Variants in SCP2 observed in about 807,000 individuals in gnomAD.
SCP2 encodes the protein sterol carrier protein 2.
In SCP2, 48 loss-of-function variants were observed where a neutral mutation model predicts 71.4. The ratio of observed to expected loss-of-function variants is 0.67; its 90% CI spans 0.53 to 0.86. The LOEUF is 0.86. SCP2 is among the 40% of genes least tolerant of loss of function. The pLI, the probability that SCP2 is intolerant of heterozygous loss-of-function variation, is 0.00. For synonymous variants in SCP2, 220 were observed against 218.1 expected (o/e 1.01, Z -0.08); for missense variants, 560 against 655.6 (o/e 0.85, Z 1.59).
At chr1:53,013,146 C>A (rs1324460250) in intron 11 of SCP2, among the ~76,000 whole-genome samples, 3 of 145,992 alleles carry the variant, frequency 2.1e-5, no homozygotes, top group Admixed American at 6.8e-5. Flanking sequence ...GGGTCTCCCC[C>A]TATAATCTTG....
chr1:52,998,263 G>A (rs1215806045), intron 11 of SCP2, among the ~76,000 whole-genome samples: 1 of 152,098 alleles, frequency 6.6e-6, no homozygotes, highest in Non-Finnish European at 1.5e-5. Flanking sequence ...TGATAACCTG[G>A]AGCAAAATTT....
rs147167752 is a variant in SCP2, at chr1:52,945,744, A to AATATATATATATATATATATATATATAT, written c.128-2249_128-2248insATATATATATATATATATATATATATAT. On this transcript the variant is annotated intron_variant, in intron 2 of 15. Coordinates refer to ENST00000371514, the MANE Select transcript of SCP2 (RefSeq NM_002979.5). ...GGAAAAGAATGTTTAAGTTGTGCATAATATATATATATATATGCCATTATT... is the reference window on the plus strand; with the variant it reads ...GGAAAAGAATGTTTAAGTTGTGCATAATATATATATATATATATATATATATATATATATATATATATATGCCATTATT... Among the ~76,000 whole-genome samples the AATATATATATATATATATATATATATAT allele has an allele frequency of 2.3e-3, 341 of 145,520 alleles. 1 individual carries two copies. Among genetic ancestry groups the AATATATATATATATATATATATATATAT allele is most frequent in the African/African-American group, 7.5e-3 (284 of 38,120 alleles).
At chr1:52,976,018 T>C (rs573389540) in intron 7 of SCP2, among the ~76,000 whole-genome samples, 1 of 152,312 alleles carries the variant, frequency 6.6e-6, no homozygotes, top group South Asian at 2.1e-4. Flanking sequence ...GGAAAGTACT[T>C]AAAATTACAG....
At chr1:53,046,222 G>A (rs887148808) in intron 14 of SCP2, among the ~76,000 whole-genome samples, 4 of 152,016 alleles carry the variant, frequency 2.6e-5, no homozygotes, top group African/African-American at 9.7e-5. Flanking sequence ...TTAGCTTTAT[G>A]TGAAACTTCC....
chr1:53,030,973 AACTTCT>A (rs1216501203), intron 13 of SCP2, among the ~76,000 whole-genome samples: 2 of 151,652 alleles, frequency 1.3e-5, no homozygotes, highest in Non-Finnish European at 2.9e-5. Flanking sequence ...TTGTTTCTTG[AACTTCT>A]TTCATTACAA....
intron 1 of SCP2, among the ~76,000 whole-genome samples, chr1:52,937,715 T>G (rs1653862845): frequency 6.6e-6 from 1 of 152,176 alleles, no homozygotes; most frequent in African/African-American, 2.4e-5. Context: ...AATTAAAAAT[T>G]GAAATAGAAC....
At chr1:52,933,646 T>C (rs1332282707) in intron 1 of SCP2, among the ~76,000 whole-genome samples, 1 of 152,214 alleles carries the variant, frequency 6.6e-6, no homozygotes, top group East Asian at 1.9e-4. Flanking sequence ...GTGTCTTCTA[T>C]CAAACGTATT....
chr1:52,958,646 T>G (rs1259044350), intron 5 of SCP2, among the ~76,000 whole-genome samples: 1 of 152,312 alleles, frequency 6.6e-6, no homozygotes, highest in East Asian at 1.9e-4. Context: ...TGTTAGTCTA[T>G]CCCATATTCT....
chr1:53,038,150 AAAAAG>A lies in SCP2; in HGVS notation c.1339-762_1339-758del, dbSNP rs1397915338. 1.1e-4 allele frequency among the ~76,000 whole-genome samples: 16 copies of A among 150,366 alleles called. No individual in the cohort carries two copies. In the Admixed American group the frequency reaches 1.1e-3, roughly 10 times the overall value. Reference sequence around the variant, plus strand: ...GACAGAGTGAGACCTTGTCTCAAAAAAAAAGAAAAAAAACCTATATGTGTATATAT... The same window carrying A: ...GACAGAGTGAGACCTTGTCTCAAAAAAAAAAAAACCTATATGTGTATATAT... On this transcript the variant is annotated intron_variant, in intron 13 of 15. Coordinates refer to ENST00000371514, the MANE Select transcript of SCP2 (RefSeq NM_002979.5).
chr1:53,008,770 T>C (rs1660800229), intron 11 of SCP2, among the ~76,000 whole-genome samples: 1 of 152,190 alleles, frequency 6.6e-6, no homozygotes, highest in Admixed American at 6.5e-5. Flanking sequence ...GTGTTGGAAA[T>C]TCTGGCCAAG....
intron 11 of SCP2, among the ~76,000 whole-genome samples, chr1:53,014,397 T>G (rs2150227394): frequency 6.6e-6 from 1 of 152,322 alleles, no homozygotes; most frequent in African/African-American, 2.4e-5. Context: ...CATCTTTGAT[T>G]TTATTATTCA....
chr1:52,946,450 A>G (rs974566252), intron 2 of SCP2, among the ~76,000 whole-genome samples: 8 of 152,058 alleles, frequency 5.3e-5, no homozygotes, highest in African/African-American at 1.9e-4. Context: ...TCCTGGGCTC[A>G]AGTGATCCTC....
chr1:53,026,858 G>A lies in SCP2; in HGVS notation c.1236-1111G>A, dbSNP rs189451217. ...AGAAGGAAAAGGGAAAGAGGAAGGA[G>A]AAATGGATTTGAGGACTGCAGGGAG... is the stretch of plus-strand genomic sequence containing the variant. On this transcript the variant is annotated intron_variant, in intron 12 of 15. Coordinates refer to ENST00000371514, the MANE Select transcript of SCP2 (RefSeq NM_002979.5). 6.7e-4 allele frequency among the ~76,000 whole-genome samples: 102 copies of A among 151,528 alleles called. 1 individual carries two copies. Among genetic ancestry groups the A allele is most frequent in the African/African-American group, 2.1e-3 (87 of 41,336 alleles).
intron 1 of SCP2, among the ~76,000 whole-genome samples, chr1:52,930,435 G>A (rs1465440953): frequency 6.6e-6 from 1 of 152,070 alleles, no homozygotes. Context: ...AACAGCCTGG[G>A]CGATATTGGC....
chr1:52,955,519 G>GA (rs972402581), intron 5 of SCP2, among the ~76,000 whole-genome samples: 4 of 149,818 alleles, frequency 2.7e-5, no homozygotes, highest in African/African-American at 7.3e-5. Flanking sequence ...AACAGGGGAG[G>GA]AAAAAAAAAG....
chr1:52,928,046 T>C (rs1459833381), intron 1 of SCP2, among the ~76,000 whole-genome samples: 1 of 152,252 alleles, frequency 6.6e-6, no homozygotes, highest in African/African-American at 2.4e-5. Flanking sequence ...AGTTGTCTGA[T>C]GCCTCTGTTG....
intron 15 of SCP2, chr1:53,048,246 A>G (rs1663962565): frequency 8.0e-6 from 3 of 374,186 alleles, no homozygotes; most frequent in South Asian, 2.2e-5. Flanking sequence ...AGGAGCAGCC[A>G]TATCTCTCTG....
intron 11 of SCP2, among the ~76,000 whole-genome samples, chr1:53,009,503 C>T (rs1660849889): frequency 6.6e-6 from 1 of 152,132 alleles, no homozygotes; most frequent in Non-Finnish European, 1.5e-5. Flanking sequence ...CTTTGACAAA[C>T]CTGACAAAAA....
chr1:52,984,536 C>CT lies in SCP2; in HGVS notation c.974-3479dup, dbSNP rs748861852. On this transcript the variant is annotated intron_variant, in intron 10 of 15. Coordinates refer to ENST00000371514, the MANE Select transcript of SCP2 (RefSeq NM_002979.5). ...GATACAGATATAAAATGATTACTTT[C>CT]TTTTTTTTTTTTTTCTTTGAGATGG... Among the ~76,000 whole-genome samples, 1,104 of 143,756 alleles carry CT rather than the reference C, an allele frequency of 7.7e-3. 15 individuals are homozygous for CT. The highest frequency in any genetic ancestry group is 0.023 in the African/African-American group (897 of 39,676). The allele number at this position is 143,756 out of a possible 152,430, so 94.3% of individuals were successfully genotyped here.
Sources: allele counts gnomAD v4.1 joint callset (sites outside exome capture counted in the v4.1 genomes callset), GRCh38; gene constraint gnomAD v4.1.1; transcripts MANE v1.5; gene names NCBI Gene and HGNC (gene_info 2026-07-23, HGNC 2026-07-21).